Variants in ARHGEF33 observed in about 807,000 individuals in gnomAD.
The protein encoded by ARHGEF33 is Rho guanine nucleotide exchange factor 33.
In ARHGEF33, 72 loss-of-function variants were observed where a neutral mutation model predicts 101.9. The observed-to-expected ratio is 0.71, with a 90% CI of 0.58 to 0.86. The LOEUF is 0.86. Among genes scored for constraint, ARHGEF33 ranks in the 40% least tolerant of loss-of-function variants. ARHGEF33 has a pLI of 0.00. For missense variants in ARHGEF33, 1,169 were observed against 1,111.3 expected, an observed-to-expected ratio of 1.05 and a Z score of -0.74; for synonymous variants, 499 against 442.5, an observed-to-expected ratio of 1.13 and a Z score of -1.60.
At chr2:38,936,109 A>C (rs907151576) in intron 8 of ARHGEF33, among the ~76,000 whole-genome samples, 1 of 152,232 alleles carries the variant, frequency 6.6e-6, no homozygotes, top group Non-Finnish European at 1.5e-5. Flanking sequence ...CACATTTGCC[A>C]AAAACTTGCA....
intron 2 of ARHGEF33, among the ~76,000 whole-genome samples, chr2:38,906,941 C>T (rs758431050): frequency 5.9e-5 from 9 of 151,920 alleles, no homozygotes; most frequent in Non-Finnish European, 1.2e-4. Context: ...CAGAATGAGA[C>T]CCCCTGTCTC....
At chr2:38,970,931 C>T (rs1039925440) in intron 17 of ARHGEF33, among the ~76,000 whole-genome samples, 2 of 152,166 alleles carry the variant, frequency 1.3e-5, no homozygotes, top group African/African-American at 4.8e-5. Context: ...ATTGCCTCCA[C>T]GATACTGGTG....
chr2:38,915,701 T>G (rs1034696438), intron 2 of ARHGEF33, among the ~76,000 whole-genome samples: 87 of 152,168 alleles, frequency 5.7e-4, no homozygotes, highest in African/African-American at 2.0e-3. Flanking sequence ...TTTTGTAATT[T>G]ACTAAATAAA....
At chr2:38,918,084 G>A (rs1217846370) in intron 2 of ARHGEF33, among the ~76,000 whole-genome samples, 1 of 152,198 alleles carries the variant, frequency 6.6e-6, no homozygotes, top group African/African-American at 2.4e-5. Context: ...TTTGTTGAAA[G>A]GAGATGGACA....
chr2:38,890,059 C>G lies in ARHGEF33; in HGVS notation c.-159+73C>G, dbSNP rs138759229. ...AATTTTATAAGAGATGAAAACCCAT[C>G]AATCCTTACCACGTGGTGTACTAAT... On this transcript the variant is annotated intron_variant, in intron 1 of 17. Transcript: ENST00000409978. The G allele has an allele frequency of 3.7e-3, 1,195 of 323,782 alleles. 16 individuals carry two copies. Among genetic ancestry groups the G allele is most frequent in the African/African-American group, 0.022 (1,009 of 45,538 alleles). The allele number at this position is 323,782 out of a possible 1,614,324, so 20.1% of individuals were successfully genotyped here.
chr2:38,891,782 C>T (rs919509610), intron 1 of ARHGEF33, among the ~76,000 whole-genome samples: 4 of 148,510 alleles, frequency 2.7e-5, no homozygotes, highest in Admixed American at 6.7e-5. Flanking sequence ...ACATGCATCA[C>T]ATTACTGCTG....
intron 12 of ARHGEF33, among the ~76,000 whole-genome samples, chr2:38,953,729 AG>A (rs967530441): frequency 3.3e-5 from 5 of 152,340 alleles, no homozygotes; most frequent in African/African-American, 9.6e-5. Flanking sequence ...TCAGATCAAT[AG>A]GAAAAAACAG....
intron 17 of ARHGEF33, among the ~76,000 whole-genome samples, chr2:38,967,931 CCTAT>C (rs1216008310): frequency 2.7e-5 from 4 of 146,984 alleles, no homozygotes; most frequent in East Asian, 2.0e-4. Context: ...ACAGCTTGAG[CCTAT>C]CTTTTTTTTT....
intron 2 of ARHGEF33, among the ~76,000 whole-genome samples, chr2:38,916,472 A>G (rs1234899665): frequency 6.6e-6 from 1 of 152,238 alleles, no homozygotes; most frequent in Non-Finnish European, 1.5e-5. Context: ...CAAGTAAATT[A>G]ACAATTGCTA....
chr2:38,919,055 TAAATA>T (rs1469798259), intron 2 of ARHGEF33, among the ~76,000 whole-genome samples: 2 of 152,004 alleles, frequency 1.3e-5, no homozygotes, highest in African/African-American at 4.8e-5. Context: ...GAAAAATAAA[TAAATA>T]AAATAAAATT....
intron 13 of ARHGEF33, among the ~76,000 whole-genome samples, chr2:38,954,989 T>C (rs890092825): frequency 1.3e-5 from 2 of 152,214 alleles, no homozygotes; most frequent in African/African-American, 2.4e-5. Context: ...TGAAGTTCTA[T>C]CTTTACTTAC....
At position 38,921,488 on chromosome 2, in the gene ARHGEF33, G is replaced by T. The variant is rs1666755979; in HGVS notation, c.75+65G>T. 6 of 1,101,350 alleles carry T rather than the reference G, an allele frequency of 5.4e-6. No homozygotes were observed. In the Admixed American group the frequency reaches 6.0e-5, roughly 11 times the overall value. 68.2% of individuals were successfully genotyped at this position (1,101,350 alleles called of 1,614,324 possible). On this transcript the variant is annotated intron_variant, in intron 4 of 17. Coordinates refer to ENST00000409978, the MANE Select transcript of ARHGEF33 (RefSeq NM_001145451.5). Reference sequence around the variant, plus strand: ...ATAGCAATGACTGACTATTCTTTATGTGTACACGTTTTTAGCACTCACAAG... The same window carrying T: ...ATAGCAATGACTGACTATTCTTTATTTGTACACGTTTTTAGCACTCACAAG...
intron 4 of ARHGEF33, among the ~76,000 whole-genome samples, chr2:38,926,796 G>C (rs969130693): frequency 1.3e-5 from 2 of 152,110 alleles, no homozygotes; most frequent in Admixed American, 6.6e-5. Flanking sequence ...ATTTCTGTTG[G>C]ATAGTGGTTC....
intron 10 of ARHGEF33, among the ~76,000 whole-genome samples, chr2:38,946,041 T>A (rs1371007757): frequency 6.6e-6 from 1 of 152,232 alleles, no homozygotes; most frequent in African/African-American, 2.4e-5. Context: ...AGGATACAGT[T>A]GTCTCTTCCT....
chr2:38,915,775 C>T (rs1258272896), intron 2 of ARHGEF33, among the ~76,000 whole-genome samples: 5 of 151,964 alleles, frequency 3.3e-5, no homozygotes, highest in South Asian at 2.1e-4. Context: ...GCCTGTAATC[C>T]CAACATTTTG....
chr2:38,902,167 A>G (rs1435384880), intron 2 of ARHGEF33, among the ~76,000 whole-genome samples: 1 of 151,790 alleles, frequency 6.6e-6, no homozygotes, highest in African/African-American at 2.4e-5. Context: ...AACAACTAGC[A>G]TGGTTCTTGG....
In ARHGEF33 at chr2:38,956,888, C is replaced by T. The variant is rs1322657735; in HGVS notation, c.1222-11C>T. 1.9e-6 allele frequency: 3 copies of T among 1,551,350 alleles called. No homozygotes were observed. The highest frequency in any genetic ancestry group is 2.6e-6 in the Non-Finnish European group (3 of 1,146,494). On this transcript the variant is annotated splice_polypyrimidine_tract_variant and intron_variant, in intron 13 of 17. Coordinates refer to ENST00000409978, the MANE Select transcript of ARHGEF33 (RefSeq NM_001145451.5). ...ATTATGCAATGCTACTTCCTTTTCC[C>T]CTCCATCCAGAACGTCCTGAAGTTC...
intron 2 of ARHGEF33, among the ~76,000 whole-genome samples, chr2:38,900,884 G>C (rs1471604542): frequency 6.6e-6 from 1 of 152,104 alleles, no homozygotes; most frequent in African/African-American, 2.4e-5. Flanking sequence ...CTGGAGGAAG[G>C]GTGGAAGAGG....
chr2:38,953,136 C>T (rs1667653780), intron 11 of ARHGEF33, 26 bp from the exon 12 acceptor site: 2 of 1,086,448 alleles, frequency 1.8e-6, no homozygotes, highest in African/African-American at 1.6e-5. Flanking sequence ...AGGTTCTTAC[C>T]ATGCATTTTT....
Sources: allele counts gnomAD v4.1 joint callset (sites outside exome capture counted in the v4.1 genomes callset), GRCh38; gene constraint gnomAD v4.1.1; transcripts MANE v1.5; gene names NCBI Gene and HGNC (gene_info 2026-07-23, HGNC 2026-07-21).